Variants in CDKAL1 observed in about 807,000 individuals in gnomAD.
CDKAL1 encodes CDKAL1 threonylcarbamoyladenosine tRNA methylthiotransferase.
A neutral mutation model predicts 68.2 loss-of-function variants in CDKAL1; 32 were observed. That is an observed-to-expected ratio of 0.47 (90% confidence interval 0.35 to 0.63). The LOEUF (loss-of-function observed/expected upper bound fraction) is 0.63. Among genes scored for constraint, CDKAL1 ranks in the 30% least tolerant of loss-of-function variants. CDKAL1 has a pLI of 0.00. For missense variants in CDKAL1, 606 were observed against 696.7 expected, an observed-to-expected ratio of 0.87 and a Z score of 1.47; for synonymous variants, 234 against 244.3, an observed-to-expected ratio of 0.96 and a Z score of 0.39.
chr6:20,721,940 C>G (rs766595595), intron 5 of CDKAL1, among the ~76,000 whole-genome samples: 151 of 152,074 alleles, frequency 9.9e-4, no homozygotes, highest in Non-Finnish European at 1.7e-3. Flanking sequence ...ACTATTTTGG[C>G]CAGACTGGTC....
chr6:20,543,301 A>G (rs1416256118), intron 2 of CDKAL1, among the ~76,000 whole-genome samples: 1 of 152,182 alleles, frequency 6.6e-6, no homozygotes, highest in Non-Finnish European at 1.5e-5. Context: ...TGAATGATGC[A>G]GTTTCTTTGC....
intron 8 of CDKAL1, among the ~76,000 whole-genome samples, chr6:20,844,969 A>G (rs1382600551): frequency 6.6e-6 from 1 of 152,164 alleles, no homozygotes; most frequent in East Asian, 1.9e-4. Flanking sequence ...GTTCAAGATT[A>G]TGTGGTCGGT....
intron 11 of CDKAL1, among the ~76,000 whole-genome samples, chr6:21,028,014 G>A (rs1021106633): frequency 2.0e-5 from 3 of 152,158 alleles, no homozygotes; most frequent in Non-Finnish European, 4.4e-5. Context: ...CTAAACACAG[G>A]AACTGAGGAG....
intron 13 of CDKAL1, among the ~76,000 whole-genome samples, chr6:21,183,249 T>C (rs1485294348): frequency 6.6e-6 from 1 of 152,138 alleles, no homozygotes; most frequent in Non-Finnish European, 1.5e-5. Flanking sequence ...TAAATATGTT[T>C]AGTCTTACAT....
intron 13 of CDKAL1, among the ~76,000 whole-genome samples, chr6:21,169,104 A>T (rs1777268464): frequency 6.6e-6 from 1 of 152,198 alleles, no homozygotes; most frequent in Admixed American, 6.5e-5. Flanking sequence ...CAGATGAAAG[A>T]AATACGGGCA....
intron 4 of CDKAL1, among the ~76,000 whole-genome samples, chr6:20,549,887 G>C (rs1394814352): frequency 6.6e-6 from 1 of 151,418 alleles, no homozygotes; most frequent in Non-Finnish European, 1.5e-5. Context: ...GATTACAGGT[G>C]TGAGCCACTG....
intron 15 of CDKAL1, among the ~76,000 whole-genome samples, chr6:21,209,108 A>G (rs1487025914): frequency 1.3e-5 from 2 of 152,156 alleles, no homozygotes; most frequent in African/African-American, 2.4e-5. Flanking sequence ...AACCACTACT[A>G]TGTGCTTGGT....
At chr6:20,580,607 T>C (rs2127688587) in intron 4 of CDKAL1, among the ~76,000 whole-genome samples, 1 of 152,308 alleles carries the variant, frequency 6.6e-6, no homozygotes, top group South Asian at 2.1e-4. Context: ...TCTTTCAATA[T>C]AAAGTTCCTT....
intron 7 of CDKAL1, among the ~76,000 whole-genome samples, chr6:20,764,239 A>G (rs575135546): frequency 6.6e-6 from 1 of 152,296 alleles, no homozygotes; most frequent in East Asian, 1.9e-4. Flanking sequence ...AATTTTACCT[A>G]TCGACATTAG....
intron 11 of CDKAL1, among the ~76,000 whole-genome samples, chr6:21,055,321 A>G (rs1770767421): frequency 6.6e-6 from 1 of 151,966 alleles, no homozygotes; most frequent in Non-Finnish European, 1.5e-5. Flanking sequence ...CTATAGTTTA[A>G]TTCTAATCTC....
At chr6:20,944,581 G>A (rs1375491395) in intron 9 of CDKAL1, among the ~76,000 whole-genome samples, 1 of 152,164 alleles carries the variant, frequency 6.6e-6, no homozygotes, top group Non-Finnish European at 1.5e-5. Context: ...CTGACCTCAA[G>A]TGATCCACCC....
At chr6:20,832,084 G>T (rs981676430) in intron 8 of CDKAL1, among the ~76,000 whole-genome samples, 3 of 152,106 alleles carry the variant, frequency 2.0e-5, no homozygotes, top group Non-Finnish European at 4.4e-5. Flanking sequence ...AGTTGTCTCC[G>T]CTGCTTTAAG....
chr6:21,104,881 C>G (rs1773770763), intron 12 of CDKAL1, among the ~76,000 whole-genome samples: 1 of 152,212 alleles, frequency 6.6e-6, no homozygotes, highest in Non-Finnish European at 1.5e-5. Flanking sequence ...CATTAAGTCA[C>G]ACAAAACAAC....
chr6:20,609,518 C>A (rs1766518138), intron 4 of CDKAL1, among the ~76,000 whole-genome samples: 1 of 151,700 alleles, frequency 6.6e-6, no homozygotes. Flanking sequence ...GCCTCAGCCT[C>A]CCGAGTAGCT....
chr6:20,855,075 C>A (rs1759252404), intron 9 of CDKAL1, among the ~76,000 whole-genome samples: 2 of 152,056 alleles, frequency 1.3e-5, no homozygotes, highest in Admixed American at 1.3e-4. Flanking sequence ...AGAGTAGGTC[C>A]CAGCAGCGTC....
At chr6:20,641,207 T>C (rs1437115318) in intron 4 of CDKAL1, among the ~76,000 whole-genome samples, 1 of 152,188 alleles carries the variant, frequency 6.6e-6, no homozygotes, top group Admixed American at 6.5e-5. Flanking sequence ...ATAGTTTATG[T>C]TCTCACCTTA....
chr6:21,221,091 C>T (rs753736772), intron 15 of CDKAL1, among the ~76,000 whole-genome samples: 5 of 151,904 alleles, frequency 3.3e-5, no homozygotes, highest in African/African-American at 4.8e-5. Context: ...CACTTGAACC[C>T]GGGAGGCGGA....
intron 2 of CDKAL1, among the ~76,000 whole-genome samples, chr6:20,540,864 A>G (rs977244730): frequency 6.6e-5 from 10 of 152,222 alleles, no homozygotes; most frequent in Non-Finnish European, 1.5e-4. Context: ...GGGGCTGGTT[A>G]TGTAAGCATA....
intron 15 of CDKAL1, among the ~76,000 whole-genome samples, chr6:21,210,391 C>G (rs1264384997): frequency 6.6e-6 from 1 of 152,118 alleles, no homozygotes; most frequent in Admixed American, 6.5e-5. Flanking sequence ...TACCTTTATA[C>G]CATACTAATG....
Sources: gnomAD v4.1 joint callset for allele counts (sites outside exome capture counted in the v4.1 genomes callset) on GRCh38, gnomAD v4.1.1 for gene constraint, MANE v1.5 for transcripts, NCBI Gene and HGNC (gene_info 2026-07-23, HGNC 2026-07-21) for gene names.